The following PTH2R variants were observed in gnomAD, a reference collection of about 807,000 sequenced individuals.
PTH2R encodes the protein PTH2 receptor.
A neutral mutation model predicts 60.3 loss-of-function variants in PTH2R; 59 were observed. That is an observed-to-expected ratio of 0.98 (90% CI 0.79 to 1.22). The LOEUF (loss-of-function observed/expected upper bound fraction) is 1.22. Ranked by LOEUF, PTH2R falls within the 50% of genes most tolerant of loss-of-function variation. The pLI, the probability that PTH2R is intolerant of heterozygous loss-of-function variation, is 0.00. For missense variants in PTH2R, 749 were observed against 682.6 expected, an observed-to-expected ratio of 1.10 and a Z score of -1.08; for synonymous variants, 256 against 243.8, an observed-to-expected ratio of 1.05 and a Z score of -0.47.
intron 7 of PTH2R, among the ~76,000 whole-genome samples, chr2:208,445,580 G>A (rs943050365): frequency 1.3e-5 from 2 of 152,138 alleles, no homozygotes; most frequent in Non-Finnish European, 2.9e-5. Context: ...ATTGAGAAGA[G>A]GTTGGAGATT....
chr2:208,464,615 A>G (rs1225548485), intron 9 of PTH2R, among the ~76,000 whole-genome samples: 2 of 152,202 alleles, frequency 1.3e-5, no homozygotes, highest in Non-Finnish European at 2.9e-5. Context: ...TGTCTTTGTT[A>G]GCATCCCAGG....
intron 10 of PTH2R, among the ~76,000 whole-genome samples, chr2:208,485,136 G>C (rs998770753): frequency 2.0e-5 from 3 of 152,162 alleles, no homozygotes; most frequent in Admixed American, 6.5e-5. Context: ...GATCAAGAAA[G>C]GCTTAAGAGC....
intron 1 of PTH2R, among the ~76,000 whole-genome samples, chr2:208,364,653 G>T (rs1054302404): frequency 1.3e-5 from 2 of 151,850 alleles, no homozygotes; most frequent in Admixed American, 6.6e-5. Context: ...GACTCTTAGG[G>T]CCCTTTGAGA....
intron 1 of PTH2R, among the ~76,000 whole-genome samples, chr2:208,372,012 C>G (rs1700710919): frequency 1.3e-5 from 2 of 152,020 alleles, no homozygotes; most frequent in Non-Finnish European, 2.9e-5. Context: ...ACCTCCACCT[C>G]CCAGGTTCAA....
intron 9 of PTH2R, among the ~76,000 whole-genome samples, chr2:208,471,789 G>A (rs1456387669): frequency 6.6e-6 from 1 of 152,298 alleles, no homozygotes; most frequent in East Asian, 1.9e-4. Context: ...CCAACAACTT[G>A]CACCATGTGC....
intron 6 of PTH2R, among the ~76,000 whole-genome samples, chr2:208,444,519 A>C (rs545048757): frequency 1.3e-5 from 2 of 152,354 alleles, no homozygotes; most frequent in Admixed American, 6.5e-5. Flanking sequence ...TTCTTAAAGA[A>C]AAAACTTATT....
chr2:208,360,303 G>A (rs1417358214), intron 1 of PTH2R: 2 of 352,116 alleles, frequency 5.7e-6, no homozygotes, highest in East Asian at 8.2e-5. Context: ...GTCTCCTACT[G>A]GTCCCTAGGA....
intron 1 of PTH2R, among the ~76,000 whole-genome samples, chr2:208,426,828 T>C (rs994085958): frequency 6.6e-6 from 1 of 152,196 alleles, no homozygotes; most frequent in Non-Finnish European, 1.5e-5. Flanking sequence ...TTACCCAGTC[T>C]TGGGTATTTC....
intron 1 of PTH2R, among the ~76,000 whole-genome samples, chr2:208,379,428 C>A (rs1700870799): frequency 6.6e-6 from 1 of 152,022 alleles, no homozygotes; most frequent in Non-Finnish European, 1.5e-5. Context: ...TGCAGGTAAT[C>A]AACTGCAGTG....
chr2:208,366,454 C>T (rs991735285), intron 1 of PTH2R, among the ~76,000 whole-genome samples: 10 of 152,112 alleles, frequency 6.6e-5, no homozygotes, highest in African/African-American at 9.7e-5. Context: ...CTTATTTTTA[C>T]CTTCTCACCT....
intron 9 of PTH2R, among the ~76,000 whole-genome samples, chr2:208,468,977 G>T (rs1191809592): frequency 6.6e-6 from 1 of 152,176 alleles, no homozygotes; most frequent in Non-Finnish European, 1.5e-5. Flanking sequence ...CAAAGTAAGA[G>T]CACAAAGCAA....
At chr2:208,483,512 A>G (rs570880492) in intron 10 of PTH2R, among the ~76,000 whole-genome samples, 14 of 152,300 alleles carry the variant, frequency 9.2e-5, no homozygotes, top group African/African-American at 3.4e-4. Context: ...TTTTGGAGGG[A>G]ACAAAGGGTG....
At chr2:208,446,517 G>C (rs917446297) in intron 7 of PTH2R, among the ~76,000 whole-genome samples, 1 of 152,156 alleles carries the variant, frequency 6.6e-6, no homozygotes, top group African/African-American at 2.4e-5. Flanking sequence ...GTCTGTGAAC[G>C]CATTTTACAT....
chr2:208,472,313 C>T (rs1702900989), intron 9 of PTH2R, among the ~76,000 whole-genome samples: 1 of 152,094 alleles, frequency 6.6e-6, no homozygotes, highest in Non-Finnish European at 1.5e-5. Context: ...GTTCAAAGTT[C>T]CAAAAGTCTC....
rs935506813 is a variant in PTH2R, at chr2:208,394,970, C to T, written c.-258-33231C>T. 4.0e-4 allele frequency among the ~76,000 whole-genome samples: 61 copies of T among 152,128 alleles called. 1 individual carries two copies. The highest frequency in any genetic ancestry group is 1.2e-3 in the African/African-American group (49 of 41,514). On this transcript the variant is annotated intron_variant, in intron 1 of 12. Transcript: ENST00000617735. ...CAATAACGAGACTAAAATCTGGCTG[C>T]GGAAGACATCTTACTCCTAACTGCT... is the stretch of plus-strand genomic sequence containing the variant.
At chr2:208,466,618 C>T (rs1309693645) in intron 9 of PTH2R, 1 of 152,150 alleles carries the variant, frequency 6.6e-6, no homozygotes, top group East Asian at 1.9e-4. Context: ...TAGAGACCTC[C>T]TAACTCATTC....
intron 9 of PTH2R, chr2:208,466,618 C>G (rs1309693645): frequency 1.3e-5 from 2 of 152,150 alleles, no homozygotes; most frequent in Non-Finnish European, 2.9e-5. Flanking sequence ...TAGAGACCTC[C>G]TAACTCATTC....
In PTH2R at chr2:208,437,874, T is replaced by C. The variant is rs539256469; in HGVS notation, c.404T>C (p.Ile135Thr). 3 of 1,611,878 alleles carry C rather than the reference T, an allele frequency of 1.9e-6. No homozygotes were observed. Among genetic ancestry groups the C allele is most frequent in the Admixed American group, 1.7e-5 (1 of 59,978 alleles). ...CLRFLQPDIS[I>T]GKQEFFERLY... ...CGCTTTCTGCAGCCAGATATCAGCATAGGAAAGGTAATGGAATTTCTCTAT... is the reference window on the plus strand; with the variant it reads ...CGCTTTCTGCAGCCAGATATCAGCACAGGAAAGGTAATGGAATTTCTCTAT... Residue 135 changes from isoleucine (I) to threonine (T), a missense_variant, in exon 4 of 13, where the codon ATA becomes ACA. Ile to Thr is a moderately conservative substitution (Grantham distance 89, BLOSUM62 -1). Coordinates refer to ENST00000272847, the MANE Select transcript of PTH2R (RefSeq NM_005048.4).
intron 9 of PTH2R, among the ~76,000 whole-genome samples, chr2:208,480,094 G>A (rs1330529538): frequency 6.6e-6 from 1 of 152,156 alleles, no homozygotes; most frequent in African/African-American, 2.4e-5. Context: ...TTGGTGGGGT[G>A]TTCAGGGCTG....
Sources: gnomAD v4.1 joint callset for allele counts (sites outside exome capture counted in the v4.1 genomes callset) on GRCh38, gnomAD v4.1.1 for gene constraint, MANE v1.5 for transcripts, NCBI Gene and HGNC (gene_info 2026-07-23, HGNC 2026-07-21) for gene names.